Variants in USP7 observed in about 807,000 individuals in gnomAD.
USP7 encodes ubiquitin specific peptidase 7, also known as ubiquitin C-terminal hydrolase 7.
In USP7, 9 loss-of-function variants were observed where a neutral mutation model predicts 162.9. The observed-to-expected ratio is 0.06, with a 90% CI of 0.03 to 0.10. USP7 has a LOEUF of 0.10. Ranked by LOEUF, USP7 falls within the 10% of genes least tolerant of loss-of-function variation. The pLI is 1.00. For synonymous variants in USP7, 562 were observed against 475.9 expected, an observed-to-expected ratio of 1.18 and a Z score of -2.35; for missense variants, 715 against 1,373.7, an observed-to-expected ratio of 0.52 and a Z score of 7.58.
chr16:8,957,886 G>A (rs989720716), intron 1 of USP7, among the ~76,000 whole-genome samples: 2 of 152,076 alleles, frequency 1.3e-5, no homozygotes, highest in African/African-American at 4.8e-5. Flanking sequence ...TGGAAAACGG[G>A]CTTTTACTTC....
chr16:8,949,163 ATC>A (rs1182543611), intron 1 of USP7, among the ~76,000 whole-genome samples: 8 of 152,242 alleles, frequency 5.3e-5, no homozygotes, highest in African/African-American at 1.7e-4. Context: ...TATGTGAATT[ATC>A]TCTCAATGAA....
At chr16:8,932,863 AACTTAAGAATATATTTATGT>A (rs1220803112) in intron 1 of USP7, among the ~76,000 whole-genome samples, 1 of 152,210 alleles carries the variant, frequency 6.6e-6, no homozygotes, top group African/African-American at 2.4e-5. Flanking sequence ...TGTATATTTA[AACTTAAGAATATATTTATGT>A]ACTAACTGAA....
intron 26 of USP7, 70 bp downstream of exon 26, chr16:8,896,929 C>G: frequency 5.0e-6 from 6 of 1,193,796 alleles, no homozygotes; most frequent in Non-Finnish European, 7.5e-6. Flanking sequence ...TCCACCAACG[C>G]AACTGCAGAG....
Position 8,901,075 on chromosome 16 carries a change from T to G in USP7, c.2141-18A>C, listed in dbSNP as rs776795510. On this transcript the variant is annotated intron_variant, in intron 19 of 30. Transcript: ENST00000344836. ...CAAGTCACCTAGGAGAAAGAAGATATTTTAAATGTGTAGCTGTAATGTACT... is the reference window on the plus strand; with the variant it reads ...CAAGTCACCTAGGAGAAAGAAGATAGTTTAAATGTGTAGCTGTAATGTACT... 1.2e-6 allele frequency: 2 copies of G among 1,613,944 alleles called. No homozygotes were observed. The highest frequency in any genetic ancestry group is 4.5e-5 in the East Asian group (2 of 44,882).
At chr16:8,950,264 T>C (rs912119459) in intron 1 of USP7, among the ~76,000 whole-genome samples, 1 of 152,122 alleles carries the variant, frequency 6.6e-6, no homozygotes, top group South Asian at 2.1e-4. Context: ...AGCCTTGGTA[T>C]CTAGGCTTGC....
intron 1 of USP7, among the ~76,000 whole-genome samples, chr16:8,930,610 A>G (rs1898267924): frequency 6.6e-6 from 1 of 152,224 alleles, no homozygotes; most frequent in South Asian, 2.1e-4. Context: ...ATTTGAAAAC[A>G]TGCTATACCA....
chr16:8,956,008 A>G (rs1899783795), intron 1 of USP7, among the ~76,000 whole-genome samples: 1 of 152,124 alleles, frequency 6.6e-6, no homozygotes, highest in Admixed American at 6.6e-5. Flanking sequence ...GGATGGGACC[A>G]TGTTCCGCAA....
At chr16:8,927,517 A>C (rs866713793) in intron 2 of USP7, among the ~76,000 whole-genome samples, 1 of 152,168 alleles carries the variant, frequency 6.6e-6, no homozygotes, top group Non-Finnish European at 1.5e-5. Flanking sequence ...TTCTAAATCT[A>C]GATCCATCTA....
In USP7 at chr16:8,893,724, C is replaced by A. The variant is rs377602457; in HGVS notation, c.*274G>T. The A allele has an allele frequency of 7.7e-6, 3 of 388,906 alleles. No individual in the cohort carries two copies. The highest frequency in any genetic ancestry group is 9.7e-6 in the Non-Finnish European group (2 of 205,380). 24.1% of individuals were successfully genotyped at this position (388,906 alleles called of 1,614,324 possible). A position where few individuals can be genotyped will look rare whatever the true frequency, so the allele number is the denominator to read the frequency against. The stretch of plus-strand genomic sequence containing the variant: ...GGGACCCCCGATCCACTAACCTCTT[C>A]TCCCCCATTGCGCTGACAGTTGCCT... On this transcript the variant is annotated 3_prime_UTR_variant, in exon 31 of 31. Coordinates refer to ENST00000344836, the MANE Select transcript of USP7 (RefSeq NM_003470.3).
At chr16:8,945,861 G>A (rs1023551568) in intron 1 of USP7, among the ~76,000 whole-genome samples, 7 of 151,758 alleles carry the variant, frequency 4.6e-5, no homozygotes, top group African/African-American at 1.7e-4. Flanking sequence ...AACCAGCCTG[G>A]GCAACATAGC....
chr16:8,958,231 A>G (rs934936334), intron 1 of USP7, among the ~76,000 whole-genome samples: 4 of 152,228 alleles, frequency 2.6e-5, no homozygotes, highest in Admixed American at 6.5e-5. Context: ...GCAAGCCAAC[A>G]GGGAGAGGCG....
intron 16 of USP7, 100 bp from the exon 17 acceptor site, chr16:8,902,582 T>C (rs1051882496): frequency 9.4e-5 from 89 of 947,772 alleles, no homozygotes; most frequent in East Asian, 3.6e-4. Context: ...TATATATATA[T>C]AGTCAATGTT....
chr16:8,910,994 G>A (rs1277162673), intron 10 of USP7, among the ~76,000 whole-genome samples, 167 bp from the exon 11 acceptor site: 1 of 152,216 alleles, frequency 6.6e-6, no homozygotes, highest in Non-Finnish European at 1.5e-5. Context: ...TGTGCTGTTA[G>A]CACCTTTGCT....
chr16:8,945,632 C>G (rs1899243296), intron 1 of USP7, among the ~76,000 whole-genome samples: 1 of 152,070 alleles, frequency 6.6e-6, no homozygotes, highest in Admixed American at 6.6e-5. Flanking sequence ...AGATGTTCTC[C>G]CCAAATTAAT....
intron 6 of USP7, among the ~76,000 whole-genome samples, chr16:8,918,786 G>A (rs1395255983): frequency 1.3e-5 from 2 of 152,218 alleles, no homozygotes; most frequent in South Asian, 2.1e-4. Context: ...TCCAGCCTGG[G>A]CGACAGAGCA....
chr16:8,930,590 A>C (rs1056203743), intron 1 of USP7, among the ~76,000 whole-genome samples, 193 bp from the exon 2 acceptor site: 1 of 152,226 alleles, frequency 6.6e-6, no homozygotes, highest in African/African-American at 2.4e-5. Flanking sequence ...GTTTCGAAAC[A>C]CTAAATGGAA....
At chr16:8,902,023 C>G (rs759232846) in intron 18 of USP7, 59 bp downstream of exon 18, 54 of 1,416,944 alleles carry the variant, frequency 3.8e-5, no homozygotes, top group Non-Finnish European at 5.4e-5. Context: ...TTTAGAACAA[C>G]AATCCAGGAA....
chr16:8,941,631 T>G (rs1016287486), intron 1 of USP7, among the ~76,000 whole-genome samples: 5 of 152,220 alleles, frequency 3.3e-5, no homozygotes, highest in African/African-American at 1.2e-4. Flanking sequence ...TTCCTTCTAG[T>G]ACCTTGTAGC....
intron 1 of USP7, among the ~76,000 whole-genome samples, chr16:8,940,851 G>A (rs1016673034): frequency 2.6e-5 from 4 of 152,168 alleles, no homozygotes; most frequent in Non-Finnish European, 4.4e-5. Context: ...GGCTGAGGCA[G>A]GAGAATCACT....
Sources: gnomAD v4.1 joint callset for allele counts (sites outside exome capture counted in the v4.1 genomes callset) on GRCh38, gnomAD v4.1.1 for gene constraint, MANE v1.5 for transcripts, NCBI Gene and HGNC (gene_info 2026-07-23, HGNC 2026-07-21) for gene names.